The following AP3S1 variants were observed in gnomAD, a reference collection of about 807,000 sequenced individuals.
AP3S1 encodes AP-3 complex subunit sigma-1.
AP3S1 carries 12 observed loss-of-function variants against 21.3 expected under a neutral mutation model. The ratio of observed to expected loss-of-function variants is 0.56; its 90% CI spans 0.36 to 0.91. The LOEUF (loss-of-function observed/expected upper bound fraction) is 0.91, where lower values mean the gene tolerates loss of function less well. Among genes scored for constraint, AP3S1 ranks in the 40% least tolerant of loss-of-function variants. The pLI, the probability that AP3S1 is intolerant of heterozygous loss-of-function variation, is 0.01. For missense variants in AP3S1, 116 were observed against 225.0 expected (o/e 0.52, Z 3.10); for synonymous variants, 48 against 78.4 (o/e 0.61, Z 2.05).
At chr5:115,892,116 T>C in intron 3 of AP3S1, among the ~76,000 whole-genome samples, 1 of 152,192 alleles carries the variant, frequency 6.6e-6, no homozygotes, top group East Asian at 1.9e-4. Flanking sequence ...CAGTGAGATA[T>C]CATCTCATTC....
chr5:115,853,912 A>G lies in AP3S1; in HGVS notation c.69+11806A>G, dbSNP rs147003968. 3.1e-3 allele frequency among the ~76,000 whole-genome samples: 473 copies of G among 152,300 alleles called. 1 individual carries two copies. The highest frequency in any genetic ancestry group is 4.8e-3 in the South Asian group (23 of 4,830). Reference sequence around the variant, plus strand: ...CATTGAAATTGGGAAATATTTTAATATGTGTCTTTGTTCATTTTTTGCTTC... The same window carrying G: ...CATTGAAATTGGGAAATATTTTAATGTGTGTCTTTGTTCATTTTTTGCTTC... On this transcript the variant is annotated intron_variant, in intron 1 of 5. Transcript: ENST00000316788.
At chr5:115,910,403 G>A (rs575234807) in intron 5 of AP3S1, among the ~76,000 whole-genome samples, 19 of 152,178 alleles carry the variant, frequency 1.2e-4, no homozygotes, top group African/African-American at 4.3e-4. Context: ...GGTAAGGGGG[G>A]ACTACTGTAC....
intron 3 of AP3S1, among the ~76,000 whole-genome samples, chr5:115,879,740 T>A (rs2112867851): frequency 6.6e-6 from 1 of 152,210 alleles, no homozygotes; most frequent in East Asian, 1.9e-4. Context: ...GGGAGGAGAC[T>A]CTCTTTTTCC....
intron 3 of AP3S1, among the ~76,000 whole-genome samples, chr5:115,887,932 G>T (rs749545254): frequency 6.6e-6 from 1 of 152,066 alleles, no homozygotes; most frequent in Non-Finnish European, 1.5e-5. Flanking sequence ...GCATGGGAAA[G>T]GAGGACTCTT....
intron 3 of AP3S1, among the ~76,000 whole-genome samples, chr5:115,884,489 C>T (rs896638182): frequency 7.9e-5 from 12 of 152,258 alleles, no homozygotes; most frequent in African/African-American, 2.9e-4. Flanking sequence ...CACTTGAACC[C>T]CAGGCGGGGA....
chr5:115,862,635 T>G (rs1380103001), intron 1 of AP3S1, among the ~76,000 whole-genome samples: 1 of 152,204 alleles, frequency 6.6e-6, no homozygotes, highest in Non-Finnish European at 1.5e-5. Context: ...TAAATTCAGG[T>G]GTTTTGAGAA....
At chr5:115,862,322 TA>T (rs957641260) in intron 1 of AP3S1, among the ~76,000 whole-genome samples, 3 of 151,580 alleles carry the variant, frequency 2.0e-5, no homozygotes, top group Middle Eastern at 3.4e-3. Flanking sequence ...CCTAGAAATA[TA>T]AAAAAAAATT....
At chr5:115,868,699 T>C (rs1747917412) in intron 2 of AP3S1, among the ~76,000 whole-genome samples, 1 of 151,798 alleles carries the variant, frequency 6.6e-6, no homozygotes. Flanking sequence ...CTGGGCAACA[T>C]GGTGAAACCC....
At chr5:115,888,160 C>G (rs1367271604) in intron 3 of AP3S1, among the ~76,000 whole-genome samples, 19 of 151,780 alleles carry the variant, frequency 1.3e-4, no homozygotes, top group Admixed American at 1.2e-3. Flanking sequence ...AGTTAGATAC[C>G]TGTTATATTG....
intron 5 of AP3S1, chr5:115,908,876 A>G (rs1751872168): frequency 3.2e-6 from 2 of 618,198 alleles, no homozygotes; most frequent in South Asian, 1.4e-4. Context: ...TTTTTGCTCA[A>G]AAACATGCTT....
intron 1 of AP3S1, 98 bp downstream of exon 1, chr5:115,842,204 G>A (rs1349194810): frequency 6.9e-7 from 1 of 1,459,680 alleles, no homozygotes; most frequent in Non-Finnish European, 9.1e-7. Context: ...CCGGCGCGCT[G>A]CGGCCCTTGT....
intron 3 of AP3S1, among the ~76,000 whole-genome samples, chr5:115,881,641 C>A (rs1749301658): frequency 6.6e-6 from 1 of 152,096 alleles, no homozygotes; most frequent in Non-Finnish European, 1.5e-5. Context: ...AACATTTTTT[C>A]CTTCATTTCA....
At chr5:115,900,253 A>G (rs563515204) in intron 4 of AP3S1, among the ~76,000 whole-genome samples, 21 of 152,294 alleles carry the variant, frequency 1.4e-4, no homozygotes, top group East Asian at 5.8e-4. Flanking sequence ...AATATCCACC[A>G]AAAAAGATCA....
intron 3 of AP3S1, among the ~76,000 whole-genome samples, chr5:115,876,436 A>G (rs1748717845): frequency 6.6e-6 from 1 of 152,082 alleles, no homozygotes. Context: ...ATTTAAGGTA[A>G]ATTCATCATG....
chr5:115,906,631 A>G (rs1282757655), intron 5 of AP3S1, among the ~76,000 whole-genome samples: 1 of 152,124 alleles, frequency 6.6e-6, no homozygotes, highest in Non-Finnish European at 1.5e-5. Context: ...CCTGCCTAAG[A>G]ATAAAAGGAC....
intron 3 of AP3S1, among the ~76,000 whole-genome samples, chr5:115,880,631 A>G (rs537202882): frequency 2.4e-4 from 37 of 152,218 alleles, no homozygotes; most frequent in Non-Finnish European, 2.4e-4. Flanking sequence ...TATGTGGTCA[A>G]TTTTAGAATA....
At chr5:115,893,023 A>G (rs530153559) in intron 3 of AP3S1, among the ~76,000 whole-genome samples, 10 of 152,298 alleles carry the variant, frequency 6.6e-5, no homozygotes, top group African/African-American at 2.4e-4. Context: ...TTTTGTTGTC[A>G]CCTCCTTGTG....
At chr5:115,861,865 CTT>C (rs113923492) in intron 1 of AP3S1, among the ~76,000 whole-genome samples, 2 of 110,606 alleles carry the variant, frequency 1.8e-5, no homozygotes, top group South Asian at 2.9e-4. Flanking sequence ...CTTTTCTTTT[CTT>C]TTTTTTTTTT....
At chr5:115,896,745 A>G (rs1354524881) in intron 4 of AP3S1, among the ~76,000 whole-genome samples, 4 of 152,192 alleles carry the variant, frequency 2.6e-5, no homozygotes, top group African/African-American at 7.2e-5. Context: ...GTGCCACTGA[A>G]CTTCAGCCTG....
Sources: allele counts gnomAD v4.1 joint callset (sites outside exome capture counted in the v4.1 genomes callset), GRCh38; gene constraint gnomAD v4.1.1; transcripts MANE v1.5; gene names NCBI Gene and HGNC (gene_info 2026-07-23, HGNC 2026-07-21).